Variants in ARK2N observed in about 807,000 individuals in gnomAD.
ARK2N encodes the protein protein ARK2N.
the ARK2N span, chr18:46,266,945 G>T: frequency 6.7e-6 from 1 of 150,174 alleles, no homozygotes; most frequent in Non-Finnish European, 1.5e-5. Context: ...TAGCATAAAG[G>T]TTAAACTATT....
At chr18:46,194,333 G>C in the ARK2N span, among the ~76,000 whole-genome samples, 1 of 151,898 alleles carries the variant, frequency 6.6e-6, no homozygotes, top group Non-Finnish European at 1.5e-5. Context: ...AGGTGCGGGG[G>C]CTCACGCCTG....
the ARK2N span, chr18:46,218,089 C>T: frequency 6.6e-6 from 1 of 152,136 alleles, no homozygotes; most frequent in Admixed American, 6.5e-5. Context: ...CAATACTTTG[C>T]CTTTTTGTGG....
At chr18:46,249,392 G>T in the ARK2N span, among the ~76,000 whole-genome samples, 1 of 152,168 alleles carries the variant, frequency 6.6e-6, no homozygotes, top group South Asian at 2.1e-4. Context: ...ACCACGCCCG[G>T]CTAATTTTTT....
At chr18:46,203,650 T>G in the ARK2N span, among the ~76,000 whole-genome samples, 1 of 152,052 alleles carries the variant, frequency 6.6e-6, no homozygotes, top group East Asian at 1.9e-4. Context: ...CAGGCTGGAG[T>G]GCAAGGACAC....
the ARK2N span, among the ~76,000 whole-genome samples, chr18:46,198,418 G>A: frequency 6.6e-6 from 1 of 150,524 alleles, no homozygotes; most frequent in Admixed American, 6.6e-5. Context: ...TCCATAAAAC[G>A]AAGAACTATG....
At chr18:46,177,148 G>A in the ARK2N span, among the ~76,000 whole-genome samples, 1 of 152,238 alleles carries the variant, frequency 6.6e-6, no homozygotes, top group African/African-American at 2.4e-5. Flanking sequence ...AGTTTCTTGG[G>A]TTACTGTAAT....
At chr18:46,197,960 G>A in the ARK2N span, among the ~76,000 whole-genome samples, 2 of 152,062 alleles carry the variant, frequency 1.3e-5, no homozygotes, top group Non-Finnish European at 1.5e-5. Flanking sequence ...TTAGCTGTGT[G>A]TAATCTGTTA....
chr18:46,207,550 C>T, the ARK2N span, among the ~76,000 whole-genome samples: 290 of 151,910 alleles, frequency 1.9e-3, 1 homozygote, highest in African/African-American at 6.5e-3. Context: ...CCACAGTGCC[C>T]GGCTAATTTT....
the ARK2N span, among the ~76,000 whole-genome samples, chr18:46,191,349 A>AT: frequency 0.011 from 1,623 of 145,326 alleles, 25 homozygotes; most frequent in African/African-American, 0.032. Flanking sequence ...TGTTTATTTA[A>AT]TTTTTTTTTT....
At chr18:46,235,100 TAATG>T in the ARK2N span, among the ~76,000 whole-genome samples, 2 of 152,214 alleles carry the variant, frequency 1.3e-5, no homozygotes, top group Non-Finnish European at 2.9e-5. Context: ...TTAGAGTTCA[TAATG>T]AGAGAGTGAC....
chr18:46,233,837 A>G, the ARK2N span, among the ~76,000 whole-genome samples: 3 of 152,136 alleles, frequency 2.0e-5, no homozygotes, highest in Admixed American at 6.5e-5. Context: ...AAATACATTC[A>G]TTTGGTTTTA....
the ARK2N span, among the ~76,000 whole-genome samples, chr18:46,199,679 G>A: frequency 6.6e-6 from 1 of 151,956 alleles, no homozygotes; most frequent in Admixed American, 6.6e-5. Context: ...CCATTTTGTT[G>A]TTTACATACA....
chr18:46,198,173 C>T, the ARK2N span, among the ~76,000 whole-genome samples: 2 of 151,760 alleles, frequency 1.3e-5, no homozygotes, highest in South Asian at 4.2e-4. Context: ...ATGGTGGTGG[C>T]GCCTGTAGTC....
the ARK2N span, among the ~76,000 whole-genome samples, chr18:46,251,298 A>G: frequency 9.7e-4 from 148 of 152,314 alleles, no homozygotes; most frequent in Non-Finnish European, 1.8e-3. Context: ...CAAGCAAGGT[A>G]TTGGGGATCA....
At chr18:46,189,673 C>G in the ARK2N span, among the ~76,000 whole-genome samples, 2 of 152,018 alleles carry the variant, frequency 1.3e-5, no homozygotes, top group Admixed American at 6.6e-5. Context: ...GAGTTTGATA[C>G]CAGTCTGGGC....
chr18:46,215,893 G>A, the ARK2N span: 1 of 1,611,230 alleles, frequency 6.2e-7, no homozygotes, highest in Non-Finnish European at 8.5e-7. Context: ...GAAGATGGAG[G>A]AGGCAGTGGG....
the ARK2N span, among the ~76,000 whole-genome samples, chr18:46,195,663 G>GCCTCCTGAGTTCAAGCAGTCCTCCT: frequency 1.5e-5 from 2 of 135,098 alleles, no homozygotes; most frequent in African/African-American, 5.7e-5. Flanking sequence ...TGCAGCCTCC[G>GCCTCCTGAGTTCAAGCAGTCCTCCT]CCTCCTGAGT....
the ARK2N span, chr18:46,231,732 CTTTCTT>C: frequency 6.7e-6 from 1 of 149,516 alleles, no homozygotes; most frequent in African/African-American, 2.5e-5. Flanking sequence ...TACGATTTTT[CTTTCTT>C]TTTTTTTTTG....
the ARK2N span, among the ~76,000 whole-genome samples, chr18:46,261,249 C>A: frequency 1.3e-5 from 2 of 152,218 alleles, no homozygotes; most frequent in Admixed American, 1.3e-4. Context: ...TGTAAAGCAA[C>A]AACATGATAT....
Sources: gnomAD v4.1 joint callset for allele counts (sites outside exome capture counted in the v4.1 genomes callset) on GRCh38, gnomAD v4.1.1 for gene constraint, MANE v1.5 for transcripts, NCBI Gene and HGNC (gene_info 2026-07-23, HGNC 2026-07-21) for gene names.